TAFA1: variants seen among roughly 807,000 people sequenced by gnomAD.
TAFA1 encodes the protein chemokine-like protein TAFA-1.
In TAFA1, 4 loss-of-function variants were observed where a neutral mutation model predicts 18.5. That is an observed-to-expected ratio of 0.22 (90% CI 0.11 to 0.49). TAFA1 has a LOEUF of 0.49. Among genes scored for constraint, TAFA1 ranks in the 20% least tolerant of loss-of-function variants. The pLI, the probability that TAFA1 is intolerant of heterozygous loss-of-function variation, is 0.98. For synonymous variants in TAFA1, 56 were observed against 55.2 expected, an observed-to-expected ratio of 1.01 and a Z score of -0.06; for missense variants, 147 against 169.0, an observed-to-expected ratio of 0.87 and a Z score of 0.72.
intron 2 of TAFA1, among the ~76,000 whole-genome samples, chr3:68,316,508 T>A (rs1219806605): frequency 3.9e-5 from 6 of 152,252 alleles, no homozygotes; most frequent in African/African-American, 1.4e-4. Flanking sequence ...AGGTGCTAAC[T>A]TGCAGTGGTC....
intron 2 of TAFA1, among the ~76,000 whole-genome samples, chr3:68,039,724 T>C (rs1049066689): frequency 1.3e-5 from 2 of 152,178 alleles, no homozygotes; most frequent in Non-Finnish European, 2.9e-5. Flanking sequence ...TCTCCAGAGA[T>C]ACAAGTGGGC....
At chr3:68,047,883 G>C (rs998139956) in intron 2 of TAFA1, among the ~76,000 whole-genome samples, 4 of 152,140 alleles carry the variant, frequency 2.6e-5, no homozygotes, top group Non-Finnish European at 5.9e-5. Context: ...TCTCCTACGA[G>C]AGAGGGAGAC....
At chr3:68,211,747 A>G (rs992452048) in intron 2 of TAFA1, among the ~76,000 whole-genome samples, 14 of 152,084 alleles carry the variant, frequency 9.2e-5, no homozygotes, top group East Asian at 1.9e-4. Flanking sequence ...GTGTGTGCAG[A>G]GATCCATAAA....
chr3:68,082,335 C>T (rs1036926614), intron 2 of TAFA1, among the ~76,000 whole-genome samples: 24 of 152,158 alleles, frequency 1.6e-4, no homozygotes, highest in Admixed American at 2.0e-4. Context: ...CTTGGCTCCT[C>T]CCCCCTGTTC....
intron 2 of TAFA1, among the ~76,000 whole-genome samples, chr3:68,058,839 G>A (rs1007808452): frequency 6.6e-6 from 1 of 152,114 alleles, no homozygotes; most frequent in African/African-American, 2.4e-5. Flanking sequence ...TATGGCTGCT[G>A]TATCTTTGGG....
chr3:68,439,881 A>G (rs1022009995), intron 3 of TAFA1, among the ~76,000 whole-genome samples: 3 of 152,168 alleles, frequency 2.0e-5, no homozygotes, highest in African/African-American at 7.2e-5. Context: ...GAGATCATAC[A>G]TAATCTTCAA....
At chr3:68,456,959 G>C (rs1341379486) in intron 3 of TAFA1, among the ~76,000 whole-genome samples, 1 of 152,148 alleles carries the variant, frequency 6.6e-6, no homozygotes, top group Non-Finnish European at 1.5e-5. Context: ...TGGGTCCCAT[G>C]GTGTTATCCA....
At chr3:68,362,990 T>TTG in intron 2 of TAFA1, among the ~76,000 whole-genome samples, 1 of 149,988 alleles carries the variant, frequency 6.7e-6, no homozygotes, top group African/African-American at 2.4e-5. Flanking sequence ...CTTTTTTTTT[T>TTG]TTTTTTTTTA....
At chr3:68,515,488 C>G (rs78948621) in intron 3 of TAFA1, among the ~76,000 whole-genome samples, 3,031 of 152,262 alleles carry the variant, frequency 0.02, 121 homozygotes, top group African/African-American at 0.069. Context: ...AAGCATCTGA[C>G]TAACACCGTA....
intron 2 of TAFA1, among the ~76,000 whole-genome samples, chr3:68,322,564 G>A (rs537438251): frequency 2.3e-4 from 35 of 152,272 alleles, no homozygotes; most frequent in African/African-American, 8.2e-4. Flanking sequence ...AGGCACAGTG[G>A]CTCATATCTG....
At chr3:68,539,660 TC>T (rs2073335436) in intron 4 of TAFA1, among the ~76,000 whole-genome samples, 9 of 65,126 alleles carry the variant, frequency 1.4e-4, no homozygotes, top group African/African-American at 4.7e-4. Flanking sequence ...TCTCTTTGTC[TC>T]TCTCTGTGTG....
chr3:68,428,653 G>A (rs1203150835), intron 3 of TAFA1, among the ~76,000 whole-genome samples: 1 of 151,874 alleles, frequency 6.6e-6, no homozygotes, highest in Non-Finnish European at 1.5e-5. Context: ...GAAATGAAAA[G>A]CAAGTCCAAT....
intron 3 of TAFA1, among the ~76,000 whole-genome samples, chr3:68,530,460 A>G (rs2073173340): frequency 6.6e-6 from 1 of 152,188 alleles, no homozygotes; most frequent in Non-Finnish European, 1.5e-5. Flanking sequence ...GAATCTCTCA[A>G]AGAAAGATGA....
At chr3:68,149,588 C>T (rs1473121536) in intron 2 of TAFA1, among the ~76,000 whole-genome samples, 3 of 152,152 alleles carry the variant, frequency 2.0e-5, no homozygotes, top group Non-Finnish European at 4.4e-5. Context: ...CTGTAGTTTA[C>T]AGCCAGCTGT....
At chr3:68,046,056 C>A (rs1178806057) in intron 2 of TAFA1, among the ~76,000 whole-genome samples, 1 of 152,126 alleles carries the variant, frequency 6.6e-6, no homozygotes, top group African/African-American at 2.4e-5. Context: ...CTTAGATTTA[C>A]AGTAATTCCT....
At chr3:68,517,210 C>T (rs1191780019) in intron 3 of TAFA1, among the ~76,000 whole-genome samples, 2 of 152,144 alleles carry the variant, frequency 1.3e-5, no homozygotes, top group African/African-American at 4.8e-5. Flanking sequence ...AGGATTTCAC[C>T]TTAGGAAGAC....
rs115116754 is a variant in TAFA1 at position 68,131,863 on chromosome 3, A to G, written c.118+125119A>G. Among the ~76,000 whole-genome samples, 527 of 123,822 alleles carry G rather than the reference A, an allele frequency of 4.3e-3. 4 individuals carry two copies. Among genetic ancestry groups the G allele is most frequent in the African/African-American group, 0.016 (501 of 31,734 alleles). The allele number at this position is 123,822 out of a possible 152,430, so 81.2% of individuals were successfully genotyped here. ...TTACCTGTGAAATAGGAATGATCATAGAAACTCCCTATTTTTTAACCTTTT... is the reference window on the plus strand; with the variant it reads ...TTACCTGTGAAATAGGAATGATCATGGAAACTCCCTATTTTTTAACCTTTT... On this transcript the variant is annotated intron_variant, in intron 2 of 4. Coordinates refer to ENST00000478136, the MANE Select transcript of TAFA1 (RefSeq NM_213609.4).
intron 2 of TAFA1, among the ~76,000 whole-genome samples, chr3:68,129,818 A>G (rs2065516069): frequency 6.6e-6 from 1 of 152,160 alleles, no homozygotes; most frequent in Non-Finnish European, 1.5e-5. Flanking sequence ...CCTGAAAGAA[A>G]AAAGTTCCTT....
intron 3 of TAFA1, among the ~76,000 whole-genome samples, chr3:68,528,124 A>T (rs1489316357): frequency 6.6e-6 from 1 of 152,218 alleles, no homozygotes; most frequent in Non-Finnish European, 1.5e-5. Context: ...TATGAAGGTG[A>T]GGGGATGGAT....
Sources: gnomAD v4.1 joint callset for allele counts (sites outside exome capture counted in the v4.1 genomes callset) on GRCh38, gnomAD v4.1.1 for gene constraint, MANE v1.5 for transcripts, NCBI Gene and HGNC (gene_info 2026-07-23, HGNC 2026-07-21) for gene names.